The following FTO variants were observed in gnomAD, a reference collection of about 807,000 sequenced individuals.
FTO encodes the protein alpha-ketoglutarate-dependent dioxygenase FTO.
Under a neutral mutation model 63.9 loss-of-function variants are expected in FTO, and 47 were observed. The observed-to-expected ratio is 0.74, with a 90% CI of 0.58 to 0.94. The LOEUF (loss-of-function observed/expected upper bound fraction) is 0.94. Among genes scored for constraint, FTO ranks in the 40% least tolerant of loss-of-function variants. FTO has a pLI of 0.00. For synonymous variants in FTO, 207 were observed against 224.4 expected (o/e 0.92, Z 0.69); for missense variants, 562 against 618.1 (o/e 0.91, Z 0.96).
At chr16:53,770,284 T>C (rs2077304167) in intron 1 of FTO, among the ~76,000 whole-genome samples, 1 of 152,146 alleles carries the variant, frequency 6.6e-6, no homozygotes, top group African/African-American at 2.4e-5. Flanking sequence ...TCTACTATAT[T>C]TGAAAAGATT....
chr16:53,946,197 C>CAA (rs141980283), intron 8 of FTO, among the ~76,000 whole-genome samples: 64 of 150,748 alleles, frequency 4.2e-4, no homozygotes, highest in African/African-American at 1.4e-3. Context: ...AATCAGAAAA[C>CAA]AAAAAAAAAT....
At chr16:53,752,305 A>T (rs1199870417) in intron 1 of FTO, among the ~76,000 whole-genome samples, 2 of 152,188 alleles carry the variant, frequency 1.3e-5, no homozygotes, top group Non-Finnish European at 2.9e-5. Flanking sequence ...CTGATCTAGT[A>T]ATAGGAGAGG....
At chr16:53,856,367 T>TG (rs2079993282) in intron 4 of FTO, among the ~76,000 whole-genome samples, 1 of 138,930 alleles carries the variant, frequency 7.2e-6, no homozygotes, top group African/African-American at 2.9e-5. Flanking sequence ...TTTTTTTTTT[T>TG]TGGGGGGGGA....
At chr16:53,933,950 C>T in intron 7 of FTO, 35 bp from the exon 8 acceptor site, 1 of 1,606,730 alleles carries the variant, frequency 6.2e-7, no homozygotes, top group Non-Finnish European at 8.5e-7. Context: ...TAATTTTTCA[C>T]TTTTTCTTTC....
At chr16:54,017,656 A>G (rs1341588942) in intron 8 of FTO, among the ~76,000 whole-genome samples, 2 of 152,136 alleles carry the variant, frequency 1.3e-5, no homozygotes, top group Admixed American at 1.3e-4. Context: ...TGTGTTAACT[A>G]TTTTTGTTCA....
rs528992203 is a variant in FTO, at chr16:53,787,173, C to T, written c.46-22967C>T. Among the ~76,000 whole-genome samples, 6 of 139,400 alleles carry T rather than the reference C, an allele frequency of 4.3e-5. No individual in the cohort carries two copies. In the East Asian group the frequency reaches 6.2e-4, roughly 14 times the overall value. The allele number at this position is 139,400 out of a possible 152,430, so 91.5% of individuals were successfully genotyped here. A position where few individuals can be genotyped will look rare whatever the true frequency, so the allele number is the denominator to read the frequency against. ...AGAAACACCATCCTTGTAAAGAGAG[C>T]GCATACACCTTCAATTTCTAGGGCA... On this transcript the variant is annotated intron_variant, in intron 1 of 8. Coordinates refer to ENST00000471389, the MANE Select transcript of FTO (RefSeq NM_001080432.3).
intron 1 of FTO, among the ~76,000 whole-genome samples, chr16:53,796,350 T>G (rs1418726919): frequency 6.6e-6 from 1 of 152,158 alleles, no homozygotes; most frequent in African/African-American, 2.4e-5. Flanking sequence ...GGCCTAGTTT[T>G]TAATTAAAAC....
intron 1 of FTO, among the ~76,000 whole-genome samples, chr16:53,778,307 G>C (rs994462125): frequency 3.3e-5 from 5 of 152,144 alleles, no homozygotes; most frequent in African/African-American, 1.2e-4. Context: ...AAGTTAATTA[G>C]CTTGATTTAA....
intron 4 of FTO, among the ~76,000 whole-genome samples, chr16:53,847,227 C>G (rs909629402): frequency 2.6e-5 from 4 of 152,128 alleles, no homozygotes; most frequent in African/African-American, 7.2e-5. Context: ...CATCTTATCC[C>G]ACTCGGGGTC....
At chr16:53,971,635 A>G (rs1267668197) in intron 8 of FTO, among the ~76,000 whole-genome samples, 1 of 152,230 alleles carries the variant, frequency 6.6e-6, no homozygotes, top group African/African-American at 2.4e-5. Flanking sequence ...AACAATTGAT[A>G]AATAATTTGG....
intron 4 of FTO, among the ~76,000 whole-genome samples, chr16:53,866,885 GTTTCT>G (rs1350281653): frequency 6.6e-6 from 1 of 151,868 alleles, no homozygotes; most frequent in South Asian, 2.1e-4. Context: ...AACTTTTATT[GTTTCT>G]TTTCTTCTGC....
chr16:53,931,642 C>G (rs567538006), intron 7 of FTO, among the ~76,000 whole-genome samples: 1 of 152,102 alleles, frequency 6.6e-6, no homozygotes, highest in East Asian at 1.9e-4. Flanking sequence ...TTCCTTTCAA[C>G]TTTAAGAACA....
At chr16:53,845,382 G>A (rs1176143846) in intron 4 of FTO, among the ~76,000 whole-genome samples, 2 of 152,162 alleles carry the variant, frequency 1.3e-5, no homozygotes. Flanking sequence ...TTCCAGGGGA[G>A]ATATTGGAGG....
chr16:54,017,219 A>AT (rs1257292920), intron 8 of FTO, among the ~76,000 whole-genome samples: 3 of 152,156 alleles, frequency 2.0e-5, no homozygotes, highest in East Asian at 1.9e-4. Context: ...GCATCCATCA[A>AT]TTTTTTATCG....
chr16:54,013,194 C>T (rs2084366761), intron 8 of FTO, among the ~76,000 whole-genome samples: 1 of 152,126 alleles, frequency 6.6e-6, no homozygotes, highest in African/African-American at 2.4e-5. Context: ...TCACGGATGA[C>T]TTTGAGGGGC....
At chr16:53,786,887 A>G (rs1009367266) in intron 1 of FTO, among the ~76,000 whole-genome samples, 7 of 151,936 alleles carry the variant, frequency 4.6e-5, no homozygotes, top group African/African-American at 1.7e-4. Flanking sequence ...TGAGGCGGGC[A>G]GATCATGAGG....
chr16:53,904,925 C>A (rs1488142433), intron 7 of FTO, among the ~76,000 whole-genome samples: 1 of 152,016 alleles, frequency 6.6e-6, no homozygotes, highest in Non-Finnish European at 1.5e-5. Context: ...TTACCTTGCA[C>A]ACATAGTTTG....
At chr16:54,064,704 T>C (rs933923558) in intron 8 of FTO, among the ~76,000 whole-genome samples, 2 of 152,208 alleles carry the variant, frequency 1.3e-5, no homozygotes, top group Non-Finnish European at 2.9e-5. Context: ...CATTCGATTT[T>C]TATTTTGCCA....
chr16:54,061,524 T>C (rs1302460103), intron 8 of FTO: 2 of 149,626 alleles, frequency 1.3e-5, no homozygotes, highest in African/African-American at 5.1e-5. Flanking sequence ...ATTGAACCTG[T>C]TTAAAAAAAC....
Sources: gnomAD v4.1 joint callset for allele counts (sites outside exome capture counted in the v4.1 genomes callset) on GRCh38, gnomAD v4.1.1 for gene constraint, MANE v1.5 for transcripts, NCBI Gene and HGNC (gene_info 2026-07-23, HGNC 2026-07-21) for gene names.